The following PANX1 variants were observed in gnomAD, a reference collection of about 807,000 sequenced individuals.
PANX1 encodes pannexin-1.
A neutral mutation model predicts 38.7 loss-of-function variants in PANX1; 30 were observed. The observed-to-expected ratio is 0.78, with a 90% CI of 0.58 to 1.05. PANX1 has a LOEUF of 1.05. Ranked by LOEUF, PANX1 falls within the 50% of genes least tolerant of loss-of-function variation. The probability of loss-of-function intolerance (pLI) is 0.00; values close to 1 mark genes in which losing one functional copy is unlikely to be tolerated. For synonymous variants in PANX1, 230 were observed against 212.2 expected, an observed-to-expected ratio of 1.08 and a Z score of -0.73; for missense variants, 551 against 517.2, an observed-to-expected ratio of 1.07 and a Z score of -0.63.
At chr11:94,133,191 C>G (rs1946651169) in intron 1 of PANX1, among the ~76,000 whole-genome samples, 1 of 152,168 alleles carries the variant, frequency 6.6e-6, no homozygotes, top group African/African-American at 2.4e-5. Context: ...TGGCCCCTTC[C>G]CTCCCACAGC....
intron 1 of PANX1, among the ~76,000 whole-genome samples, chr11:94,152,263 G>GT (rs1487817424): frequency 6.6e-6 from 1 of 152,076 alleles, no homozygotes; most frequent in African/African-American, 2.4e-5. Flanking sequence ...AGCAAGTTTT[G>GT]TTTTTTGTTT....
intron 1 of PANX1, among the ~76,000 whole-genome samples, chr11:94,152,908 G>C (rs138857130): frequency 6.6e-6 from 1 of 152,068 alleles, no homozygotes; most frequent in African/African-American, 2.4e-5. Flanking sequence ...AGTCGTGAGC[G>C]TTTCCCTTCC....
chr11:94,143,094 A>T (rs1222805462), intron 1 of PANX1, among the ~76,000 whole-genome samples: 2 of 152,374 alleles, frequency 1.3e-5, no homozygotes, highest in Admixed American at 1.3e-4. Context: ...TCATGTTGCC[A>T]GAGTCACTAA....
chr11:94,167,203 T>G (rs1159181647), intron 2 of PANX1, among the ~76,000 whole-genome samples: 1 of 152,172 alleles, frequency 6.6e-6, no homozygotes, highest in Non-Finnish European at 1.5e-5. Context: ...AGCACACGGA[T>G]TCTTCTCCAG....
chr11:94,180,767 A>G, intron 4 of PANX1, 23 bp from the exon 5 acceptor site: 2 of 1,269,144 alleles, frequency 1.6e-6, no homozygotes, highest in South Asian at 2.4e-5. Flanking sequence ...TCTGTCATAA[A>G]TATTTGTTTT....
At chr11:94,173,972 C>G (rs1947200065) in intron 2 of PANX1, among the ~76,000 whole-genome samples, 1 of 151,572 alleles carries the variant, frequency 6.6e-6, no homozygotes, top group Admixed American at 6.6e-5. Flanking sequence ...CAGGGAGAGT[C>G]TGTGATGTGC....
At chr11:94,136,707 G>A (rs936742332) in intron 1 of PANX1, among the ~76,000 whole-genome samples, 2 of 152,092 alleles carry the variant, frequency 1.3e-5, no homozygotes, top group Non-Finnish European at 2.9e-5. Flanking sequence ...GGCGGAGCTT[G>A]CAGTGAGCCG....
intron 1 of PANX1, among the ~76,000 whole-genome samples, chr11:94,136,468 G>T (rs956233189): frequency 6.6e-6 from 1 of 152,174 alleles, no homozygotes; most frequent in Admixed American, 6.5e-5. Flanking sequence ...TTAGGGCAGG[G>T]ACCATGTGTC....
At chr11:94,161,550 G>A (rs1383910858) in intron 2 of PANX1, among the ~76,000 whole-genome samples, 2 of 152,064 alleles carry the variant, frequency 1.3e-5, no homozygotes, top group African/African-American at 2.4e-5. Flanking sequence ...GGTAGTTCTC[G>A]TGCCGTGGTT....
In PANX1 at chr11:94,180,224, G is replaced by A. The variant is rs541025605; in HGVS notation, c.1168G>A (p.Glu390Lys). ...AACTCCCATGTCTGCAGAGATGAGA[G>A]AGGAGCAGGGGAACCAGACGGCAGA... ...GKTPMSAEMR[E>K]EQGNQTAELQ... is the part of the protein sequence containing the mutation. The change falls in exon 4 of 5, where the codon GAG (glutamate) becomes AAG (lysine). Residue 390 changes from glutamate (E) to lysine (K), a missense_variant. Coordinates refer to ENST00000227638, the MANE Select transcript of PANX1 (RefSeq NM_015368.4). The A allele has an allele frequency of 9.9e-6, 16 of 1,610,874 alleles. No individual in the cohort carries two copies. In the African/African-American group the frequency reaches 2.0e-4, roughly 20 times the overall value.
intron 1 of PANX1, among the ~76,000 whole-genome samples, chr11:94,144,756 C>T (rs923087894): frequency 6.6e-6 from 1 of 152,188 alleles, no homozygotes; most frequent in Non-Finnish European, 1.5e-5. Flanking sequence ...CATTCATCCT[C>T]AGGGTGTCAT....
rs565769946 is a variant in PANX1 at position 94,138,299 on chromosome 11, G to GT, written c.181+8812dup. ...CATTTATTCAGTTACGGCATTGAAT[G>GT]TTTTTTCGTATGTATTTTTTCCATT... On this transcript the variant is annotated intron_variant, in intron 1 of 4. Transcript: ENST00000227638. 1.9e-3 allele frequency among the ~76,000 whole-genome samples: 291 copies of GT among 152,144 alleles called. 1 individual carries two copies. The highest frequency in any genetic ancestry group is 3.1e-3 in the Non-Finnish European group (209 of 67,998).
intron 1 of PANX1, 61 bp downstream of exon 1, chr11:94,129,554 T>G (rs1946601135): frequency 6.8e-7 from 1 of 1,469,608 alleles, no homozygotes; most frequent in East Asian, 2.4e-5. Context: ...GAGCTGCGAT[T>G]TTACGGCTCA....
intron 1 of PANX1, among the ~76,000 whole-genome samples, chr11:94,151,177 T>A (rs57562692): frequency 0.11 from 16,750 of 152,204 alleles, 958 homozygotes; most frequent in Admixed American, 0.14. Context: ...CTTCTGACTT[T>A]CCATTCCAGA....
intron 2 of PANX1, among the ~76,000 whole-genome samples, chr11:94,159,631 G>A (rs1946997769): frequency 1.3e-5 from 2 of 151,800 alleles, no homozygotes; most frequent in Non-Finnish European, 2.9e-5. Context: ...TTCTTTATTA[G>A]TCTTGCTAGC....
intron 1 of PANX1, among the ~76,000 whole-genome samples, chr11:94,138,198 C>T (rs1053916878): frequency 6.6e-6 from 1 of 152,118 alleles, no homozygotes; most frequent in African/African-American, 2.4e-5. Context: ...GTGGCTTTCC[C>T]CACAGCTGGC....
At chr11:94,162,954 C>T (rs575360878) in intron 2 of PANX1, among the ~76,000 whole-genome samples, 3 of 148,188 alleles carry the variant, frequency 2.0e-5, no homozygotes, top group African/African-American at 7.5e-5. Flanking sequence ...TCACTGCAGC[C>T]TCAATCTCCT....
At chr11:94,129,750 A>G (rs1173984014) in intron 1 of PANX1, among the ~76,000 whole-genome samples, 1 of 152,064 alleles carries the variant, frequency 6.6e-6, no homozygotes, top group South Asian at 2.1e-4. Flanking sequence ...TGTGGCTTAT[A>G]GTTTATGTTC....
intron 1 of PANX1, among the ~76,000 whole-genome samples, chr11:94,142,413 A>G (rs1946773515): frequency 6.6e-6 from 1 of 152,048 alleles, no homozygotes; most frequent in Admixed American, 6.5e-5. Context: ...TTAAGTCTGG[A>G]CTTCCCAGTC....
Sources: allele counts gnomAD v4.1 joint callset (sites outside exome capture counted in the v4.1 genomes callset), GRCh38; gene constraint gnomAD v4.1.1; transcripts MANE v1.5; gene names NCBI Gene and HGNC (gene_info 2026-07-23, HGNC 2026-07-21).